Variants in CFAP77 observed in about 807,000 individuals in gnomAD.
The protein encoded by CFAP77 is cilia- and flagella-associated protein 77.
CFAP77 carries 25 observed loss-of-function variants against 31.1 expected under a neutral mutation model. That is an observed-to-expected ratio of 0.80 (90% confidence interval 0.59 to 1.12). The LOEUF is 1.12. Ranked by LOEUF, CFAP77 falls within the 50% of genes most tolerant of loss-of-function variation. The pLI is 0.00. For missense variants in CFAP77, 377 were observed against 397.3 expected (o/e 0.95, Z 0.44); for synonymous variants, 151 against 159.9 (o/e 0.94, Z 0.42).
chr9:132,486,038 A>ATG (rs1564223077), intron 1 of CFAP77, among the ~76,000 whole-genome samples: 1 of 36,284 alleles, frequency 2.8e-5, no homozygotes, highest in Non-Finnish European at 4.3e-5. Context: ...ATATATATAT[A>ATG]TATGTATGTA....
At chr9:132,416,883 C>T (rs952781784) in intron 1 of CFAP77, among the ~76,000 whole-genome samples, 3 of 151,112 alleles carry the variant, frequency 2.0e-5, no homozygotes, top group South Asian at 2.1e-4. Context: ...GTGATCTGTC[C>T]GCTTCAGCCT....
chr9:132,478,234 C>T (rs1423835326), intron 1 of CFAP77, among the ~76,000 whole-genome samples: 4 of 152,102 alleles, frequency 2.6e-5, no homozygotes, highest in African/African-American at 7.2e-5. Context: ...AAACCATAAC[C>T]GTGAGTACAG....
intron 1 of CFAP77, among the ~76,000 whole-genome samples, chr9:132,472,337 A>G (rs755883362): frequency 9.9e-5 from 15 of 152,242 alleles, no homozygotes; most frequent in Non-Finnish European, 1.9e-4. Flanking sequence ...TCTTTATTGT[A>G]GAATGCAAAA....
intron 1 of CFAP77, among the ~76,000 whole-genome samples, chr9:132,494,851 A>T (rs569586467): frequency 1.4e-4 from 21 of 152,120 alleles, no homozygotes; most frequent in Admixed American, 3.3e-4. Flanking sequence ...TATTTTGCTC[A>T]TTTTTTTCTG....
intron 1 of CFAP77, among the ~76,000 whole-genome samples, chr9:132,425,355 C>G (rs900108264): frequency 6.6e-6 from 1 of 152,128 alleles, no homozygotes. Flanking sequence ...TCTCCTCCCC[C>G]ACTCCTTTGC....
chr9:132,467,924 G>A (rs1482868650), intron 1 of CFAP77, among the ~76,000 whole-genome samples: 1 of 151,812 alleles, frequency 6.6e-6, no homozygotes, highest in East Asian at 1.9e-4. Flanking sequence ...GTGAGATGGG[G>A]GGAACATCCT....
intron 5 of CFAP77, among the ~76,000 whole-genome samples, chr9:132,572,111 C>T (rs1032123162): frequency 2.0e-5 from 3 of 152,070 alleles, no homozygotes; most frequent in South Asian, 2.1e-4. Context: ...GGTCCCATTG[C>T]GTGGTCGTCT....
At chr9:132,453,099 G>A (rs1483605742) in intron 1 of CFAP77, among the ~76,000 whole-genome samples, 3 of 152,100 alleles carry the variant, frequency 2.0e-5, no homozygotes, top group African/African-American at 7.2e-5. Context: ...ATGAACCTGG[G>A]GCATGGACCT....
At chr9:132,559,641 A>G (rs1195280836) in intron 5 of CFAP77, among the ~76,000 whole-genome samples, 2 of 152,334 alleles carry the variant, frequency 1.3e-5, no homozygotes, top group East Asian at 1.9e-4. Context: ...AAGGCTAAAC[A>G]TAGAGCTCCC....
chr9:132,550,323 C>A (rs1399170390), intron 5 of CFAP77, among the ~76,000 whole-genome samples: 1 of 152,182 alleles, frequency 6.6e-6, no homozygotes, highest in African/African-American at 2.4e-5. Context: ...GCATCAGTTA[C>A]ATCTTTCTAA....
chr9:132,420,679 AAG>A (rs1030243924), intron 1 of CFAP77, among the ~76,000 whole-genome samples: 3 of 151,666 alleles, frequency 2.0e-5, no homozygotes, highest in African/African-American at 7.3e-5. Context: ...AAAAAAAAAA[AAG>A]AAGAACAGAA....
intron 1 of CFAP77, among the ~76,000 whole-genome samples, chr9:132,429,461 C>A (rs1850368952): frequency 6.7e-6 from 1 of 148,876 alleles, no homozygotes; most frequent in Non-Finnish European, 1.5e-5. Context: ...TCGCTTGAAC[C>A]CAGGAGGCGG....
At chr9:132,541,340 G>A (rs1386181006) in intron 4 of CFAP77, among the ~76,000 whole-genome samples, 1 of 152,250 alleles carries the variant, frequency 6.6e-6, no homozygotes, top group Non-Finnish European at 1.5e-5. Flanking sequence ...TCAGACAGGT[G>A]ACATGGCTGC....
At chr9:132,427,570 A>T (rs1270340680) in intron 1 of CFAP77, among the ~76,000 whole-genome samples, 3 of 152,120 alleles carry the variant, frequency 2.0e-5, no homozygotes. Context: ...AGCCGAGATC[A>T]CGCAACTGCA....
chr9:132,410,214 C>T lies in CFAP77; in HGVS notation c.-58C>T, dbSNP rs1009227091. On this transcript the variant is annotated 5_prime_UTR_variant, in exon 1 of 6. Transcript: ENST00000393216. Reference sequence around the variant, plus strand: ...GCCCTTCGGAGCTCCAGGCTGTGCCCGACGTGGGGAAGCGCGCCCAAACCA... The same window carrying T: ...GCCCTTCGGAGCTCCAGGCTGTGCCTGACGTGGGGAAGCGCGCCCAAACCA... The T allele has an allele frequency of 4.2e-5, 60 of 1,438,390 alleles. No individual in the cohort carries two copies. Among genetic ancestry groups the T allele is most frequent in the Non-Finnish European group, 5.4e-5 (58 of 1,078,254 alleles). The allele number at this position is 1,438,390 out of a possible 1,614,324, so 89.1% of individuals were successfully genotyped here. A position where few individuals can be genotyped will look rare whatever the true frequency, so the allele number is the denominator to read the frequency against.
chr9:132,495,847 G>A lies in CFAP77; in HGVS notation c.196-2848G>A, dbSNP rs920957790. On this transcript the variant is annotated intron_variant, in intron 1 of 5. Transcript: ENST00000393216. The surrounding 1 kb of genome is among the most constrained non-coding windows in gnomAD (Gnocchi z 4.2). ...TAACTCTATCTCTGCTCTCTGCCAC[G>A]TGAAGATACAACAAGAAGGCGGCCA... is the stretch of plus-strand genomic sequence containing the variant. Among the ~76,000 whole-genome samples, 3 of 152,286 alleles carry A rather than the reference G, an allele frequency of 2.0e-5. No individual in the cohort carries two copies. The highest frequency in any genetic ancestry group is 2.1e-4 in the South Asian group (1 of 4,826).
chr9:132,535,861 A>G (rs1469894643), intron 3 of CFAP77, among the ~76,000 whole-genome samples: 1 of 152,018 alleles, frequency 6.6e-6, no homozygotes, highest in East Asian at 1.9e-4. Context: ...TAATTTTTTC[A>G]TAATTAGCAA....
intron 1 of CFAP77, among the ~76,000 whole-genome samples, chr9:132,444,743 T>C (rs145458031): frequency 6.6e-6 from 1 of 152,244 alleles, no homozygotes; most frequent in African/African-American, 2.4e-5. Context: ...TTAAAAAAAA[T>C]TGTAGTAAAA....
intron 1 of CFAP77, among the ~76,000 whole-genome samples, chr9:132,420,144 G>A (rs1850185874): frequency 7.9e-6 from 1 of 126,716 alleles, no homozygotes; most frequent in Non-Finnish European, 1.6e-5. Flanking sequence ...CTGGGTGACA[G>A]AGCAAGACCT....
Sources: gnomAD v4.1 joint callset for allele counts (sites outside exome capture counted in the v4.1 genomes callset) on GRCh38, gnomAD v4.1.1 for gene constraint, Gnocchi (gnomAD v3.1) non-coding constraint, MANE v1.5 for transcripts, NCBI Gene and HGNC (gene_info 2026-07-23, HGNC 2026-07-21) for gene names.